Variants in STXBP5L observed in about 807,000 individuals in gnomAD.
STXBP5L encodes syntaxin-binding protein 5-like.
STXBP5L carries 65 observed loss-of-function variants against 144.5 expected under a neutral mutation model. The observed-to-expected ratio is 0.45, with a 90% confidence interval of 0.37 to 0.55. The LOEUF (loss-of-function observed/expected upper bound fraction) is 0.55, where lower values mean the gene tolerates loss of function less well. Ranked by LOEUF, STXBP5L falls within the 20% of genes least tolerant of loss-of-function variation. STXBP5L has a pLI of 0.00. For missense variants in STXBP5L, 1,298 were observed against 1,405.5 expected, an observed-to-expected ratio of 0.92 and a Z score of 1.22; for synonymous variants, 505 against 469.6, an observed-to-expected ratio of 1.08 and a Z score of -0.97.
chr3:120,964,821 A>T (rs1054633476), intron 3 of STXBP5L, among the ~76,000 whole-genome samples: 1 of 152,196 alleles, frequency 6.6e-6, no homozygotes, highest in African/African-American at 2.4e-5. Flanking sequence ...GGTCCTGGAC[A>T]TCCTTGTTAA....
In STXBP5L at chr3:121,413,200, A is replaced by G; in HGVS notation, c.2991A>G (p.Pro997=). ...LRPMLDVNYL[P]LTDMRIARTF... Reference sequence around the variant, plus strand: ...CAATGTTGGATGTTAATTATTTGCCACTGACAGACATGAGGATAGCACGAA... The same window carrying G: ...CAATGTTGGATGTTAATTATTTGCCGCTGACAGACATGAGGATAGCACGAA... The change falls in exon 24 of 27, where the codon CCA becomes CCG. Residue 997 remains proline, a synonymous_variant. Coordinates refer to ENST00000471454, the MANE Select transcript of STXBP5L (RefSeq NM_001308330.2). 1 of 1,606,350 alleles carries G rather than the reference A, an allele frequency of 6.2e-7. No individual in the cohort carries two copies. Among genetic ancestry groups the G allele is most frequent in the Non-Finnish European group, 8.5e-7 (1 of 1,177,658 alleles).
chr3:121,121,608 GT>G, intron 6 of STXBP5L, 32 bp from the exon 7 acceptor site: 1 of 1,523,806 alleles, frequency 6.6e-7, no homozygotes. Context: ...TTAATGTTTG[GT>G]TTTTAATTAC....
At chr3:121,128,298 A>G (rs1266626373) in intron 7 of STXBP5L, among the ~76,000 whole-genome samples, 1 of 152,070 alleles carries the variant, frequency 6.6e-6, no homozygotes, top group African/African-American at 2.4e-5. Context: ...AAAAAAAGCC[A>G]TATAGTAAAT....
intron 23 of STXBP5L, among the ~76,000 whole-genome samples, chr3:121,408,965 A>C (rs2047057994): frequency 1.3e-5 from 2 of 151,980 alleles, no homozygotes; most frequent in Admixed American, 6.6e-5. Context: ...GAAGGATTTG[A>C]AAAAGCCAAT....
chr3:121,188,657 C>A (rs145300750), intron 9 of STXBP5L, among the ~76,000 whole-genome samples: 1 of 152,128 alleles, frequency 6.6e-6, no homozygotes, highest in South Asian at 2.1e-4. Context: ...GTTCAACATA[C>A]GCAAATCAAT....
intron 3 of STXBP5L, among the ~76,000 whole-genome samples, chr3:120,969,655 G>T (rs542858718): frequency 6.6e-6 from 1 of 151,782 alleles, no homozygotes; most frequent in Non-Finnish European, 1.5e-5. Flanking sequence ...AAGTTATCTT[G>T]TAGAATTTTT....
At chr3:120,937,018 T>C (rs1710300537) in intron 2 of STXBP5L, among the ~76,000 whole-genome samples, 2 of 152,128 alleles carry the variant, frequency 1.3e-5, no homozygotes, top group African/African-American at 4.8e-5. Context: ...TTTATTTTTC[T>C]TTTATTAGGG....
At chr3:121,061,506 A>T (rs1196213689) in intron 5 of STXBP5L, among the ~76,000 whole-genome samples, 1 of 152,222 alleles carries the variant, frequency 6.6e-6, no homozygotes, top group African/African-American at 2.4e-5. Flanking sequence ...TTGAGAGCTG[A>T]TATCAAGTCC....
chr3:121,174,922 A>C (rs2046873937), intron 9 of STXBP5L, among the ~76,000 whole-genome samples: 1 of 152,082 alleles, frequency 6.6e-6, no homozygotes, highest in Admixed American at 6.6e-5. Flanking sequence ...AAATTCACTG[A>C]GCTGGGGAAA....
At chr3:121,097,867 A>G (rs1441418557) in intron 5 of STXBP5L, among the ~76,000 whole-genome samples, 1 of 152,224 alleles carries the variant, frequency 6.6e-6, no homozygotes, top group Non-Finnish European at 1.5e-5. Flanking sequence ...ATTACTGAAT[A>G]TATTATACTT....
intron 22 of STXBP5L, among the ~76,000 whole-genome samples, chr3:121,394,602 GTT>G (rs373859677): frequency 0.13 from 12,743 of 99,160 alleles, 236 homozygotes; most frequent in Middle Eastern, 0.23. Context: ...TTTGTTGAGG[GTT>G]TTTTTTTTTT....
At position 120,954,960 on chromosome 3, in the gene STXBP5L, T is replaced by C. The variant is rs750435126; in HGVS notation, c.210T>C (p.Pro70=). Residue 70 remains proline (P), a synonymous_variant, in exon 3 of 27, where the codon CCT becomes CCC. Coordinates refer to ENST00000471454, the MANE Select transcript of STXBP5L (RefSeq NM_001308330.2). Reference sequence around the variant, plus strand: ...TTCAGACAGTTCGGCATGGTTTTCCTCATCAGCCCACAGCATTAGCCTTTG... The same window carrying C: ...TTCAGACAGTTCGGCATGGTTTTCCCCATCAGCCCACAGCATTAGCCTTTG... ...QICKTVRHGF[P]HQPTALAFDP... 2 of 1,612,368 alleles carry C rather than the reference T, an allele frequency of 1.2e-6. No homozygotes were observed. The highest frequency in any genetic ancestry group is 1.7e-6 in the Non-Finnish European group (2 of 1,178,974).
intron 3 of STXBP5L, among the ~76,000 whole-genome samples, chr3:120,998,632 G>T (rs1392123122): frequency 6.6e-6 from 1 of 152,136 alleles, no homozygotes; most frequent in East Asian, 1.9e-4. Flanking sequence ...AACACGTGGT[G>T]TTTGGTTTTC....
At chr3:121,220,172 C>T (rs906759548) in intron 10 of STXBP5L, among the ~76,000 whole-genome samples, 1 of 152,066 alleles carries the variant, frequency 6.6e-6, no homozygotes, top group East Asian at 1.9e-4. Context: ...GATTTGTTCT[C>T]CATCACTATA....
chr3:121,335,642 G>A lies in STXBP5L; in HGVS notation c.2176+17102G>A, dbSNP rs2044479425. ...AACAGAATAGAGAGCCCAGAAATAAGGCCACACACCTACAACCATCTGATC... is the reference window on the plus strand; with the variant it reads ...AACAGAATAGAGAGCCCAGAAATAAAGCCACACACCTACAACCATCTGATC... On this transcript the variant is annotated intron_variant, in intron 20 of 26. Coordinates refer to ENST00000471454, the MANE Select transcript of STXBP5L (RefSeq NM_001308330.2). Among the ~76,000 whole-genome samples the A allele has an allele frequency of 3.9e-5, 6 of 152,008 alleles. No individual in the cohort carries two copies. The South Asian group carries it at 8.3e-4, about 21-fold the overall frequency.
At chr3:121,088,126 A>G (rs1350502433) in intron 5 of STXBP5L, among the ~76,000 whole-genome samples, 2 of 151,480 alleles carry the variant, frequency 1.3e-5, no homozygotes. Context: ...CTGCACAGCA[A>G]AAGAAACTAC....
chr3:121,125,344 C>T (rs1306460140), intron 7 of STXBP5L, among the ~76,000 whole-genome samples: 4 of 151,894 alleles, frequency 2.6e-5, no homozygotes, highest in East Asian at 1.9e-4. Flanking sequence ...TGGTGGCATG[C>T]GCCTGTAGTC....
intron 2 of STXBP5L, among the ~76,000 whole-genome samples, chr3:120,940,998 TTC>T (rs1423338457): frequency 1.3e-5 from 2 of 151,750 alleles, no homozygotes; most frequent in Non-Finnish European, 3.0e-5. Flanking sequence ...TTGAACTTGA[TTC>T]TCTCGTGTTT....
At chr3:121,001,520 G>C (rs191570468) in intron 3 of STXBP5L, among the ~76,000 whole-genome samples, 79 of 152,276 alleles carry the variant, frequency 5.2e-4, no homozygotes, top group Non-Finnish European at 8.7e-4. Context: ...CCATTCCCAC[G>C]TCAAACCCTC....
Sources: allele counts gnomAD v4.1 joint callset (sites outside exome capture counted in the v4.1 genomes callset), GRCh38; gene constraint gnomAD v4.1.1; transcripts MANE v1.5; gene names NCBI Gene and HGNC (gene_info 2026-07-23, HGNC 2026-07-21).